Variants in CAMK4 observed in about 807,000 individuals in gnomAD.
The protein encoded by CAMK4 is calcium/calmodulin dependent protein kinase IV.
CAMK4 carries 22 observed loss-of-function variants against 44.9 expected under a neutral mutation model. The ratio of observed to expected loss-of-function variants is 0.49; its 90% confidence interval spans 0.35 to 0.70. CAMK4 has a LOEUF of 0.70. Among genes scored for constraint, CAMK4 ranks in the 30% least tolerant of loss-of-function variants. The pLI is 0.01. For synonymous variants in CAMK4, 218 were observed against 215.4 expected, an observed-to-expected ratio of 1.01 and a Z score of -0.11; for missense variants, 498 against 586.8, an observed-to-expected ratio of 0.85 and a Z score of 1.56.
chr5:111,399,196 GT>G (rs1288600099), intron 5 of CAMK4, among the ~76,000 whole-genome samples: 2 of 152,116 alleles, frequency 1.3e-5, no homozygotes, highest in Non-Finnish European at 2.9e-5. Flanking sequence ...CACTGGCCTT[GT>G]TTTCCGACCC....
intron 7 of CAMK4, among the ~76,000 whole-genome samples, chr5:111,463,372 G>A (rs1042102577): frequency 6.6e-6 from 1 of 152,166 alleles, no homozygotes; most frequent in East Asian, 1.9e-4. Flanking sequence ...CTGTGTATAG[G>A]AAGCAGATTG....
chr5:111,415,745 G>T (rs555330809), intron 5 of CAMK4, among the ~76,000 whole-genome samples: 16 of 152,108 alleles, frequency 1.1e-4, no homozygotes, highest in African/African-American at 3.4e-4. Flanking sequence ...TGATACAGTG[G>T]GTCCTCTGTA....
chr5:111,327,306 G>A (rs111403366), intron 1 of CAMK4, among the ~76,000 whole-genome samples: 135 of 150,822 alleles, frequency 9.0e-4, no homozygotes, highest in Non-Finnish European at 1.2e-3. Context: ...ATGGTTTCCA[G>A]TTTCATCCAT....
chr5:111,309,789 A>G (rs537377978), intron 1 of CAMK4, among the ~76,000 whole-genome samples: 8 of 152,290 alleles, frequency 5.3e-5, no homozygotes, highest in Non-Finnish European at 1.0e-4. Flanking sequence ...GTTGAAATAA[A>G]TGTGGGTTGG....
chr5:111,386,812 T>C (rs1302512967), intron 4 of CAMK4, among the ~76,000 whole-genome samples: 1 of 152,224 alleles, frequency 6.6e-6, no homozygotes, highest in Non-Finnish European at 1.5e-5. Context: ...CTTGGGGAAA[T>C]GTACCACCTT....
At chr5:111,345,234 T>C (rs2112756387) in intron 2 of CAMK4, among the ~76,000 whole-genome samples, 1 of 151,950 alleles carries the variant, frequency 6.6e-6, no homozygotes, top group South Asian at 2.1e-4. Flanking sequence ...CATAGCAAAA[T>C]AACAAAAACA....
intron 1 of CAMK4, among the ~76,000 whole-genome samples, chr5:111,242,213 C>T (rs1218197953): frequency 1.3e-5 from 2 of 152,150 alleles, no homozygotes; most frequent in African/African-American, 4.8e-5. Flanking sequence ...TCCTTCACCC[C>T]TTCCCCTAAT....
At position 111,489,425 on chromosome 5, in the gene CAMK4, G is replaced by A. The variant is rs1422704039; in HGVS notation, c.*4959G>A. ...ATATAATCTCAGCTCATAAAGCTTG[G>A]CCATGTCTATACTTATCTTGGAGAG... On this transcript the variant is annotated 3_prime_UTR_variant, in exon 11 of 11. Coordinates refer to ENST00000282356, the MANE Select transcript of CAMK4 (RefSeq NM_001744.6). 6.6e-6 allele frequency: 1 copy of A among 152,118 alleles called. No individual in the cohort carries two copies. Among genetic ancestry groups the A allele is most frequent in the Non-Finnish European group, 1.5e-5 (1 of 68,022 alleles). 9.4% of individuals were successfully genotyped at this position (152,118 alleles called of 1,614,324 possible).
chr5:111,407,419 T>G (rs1752477795), intron 5 of CAMK4, among the ~76,000 whole-genome samples: 1 of 151,548 alleles, frequency 6.6e-6, no homozygotes, highest in African/African-American at 2.4e-5. Flanking sequence ...GTACTCACAG[T>G]GTCCTTTTGA....
rs188817235 is a variant in CAMK4 at position 111,296,845 on chromosome 5, A to G, written c.162-47179A>G. ...AGTAGCAGCAGTTCTGGATCTGTGC[A>G]TAATACCCAATTGATTATGGGTCAT... On this transcript the variant is annotated intron_variant, in intron 1 of 10. Transcript: ENST00000282356. 1.1e-4 allele frequency among the ~76,000 whole-genome samples: 17 copies of G among 152,358 alleles called. No individual in the cohort carries two copies. The South Asian group carries it at 2.1e-3, about 19-fold the overall frequency.
At chr5:111,358,522 C>T (rs568927666) in intron 2 of CAMK4, among the ~76,000 whole-genome samples, 5 of 151,080 alleles carry the variant, frequency 3.3e-5, no homozygotes, top group East Asian at 1.9e-4. Flanking sequence ...TGTTTTTCCC[C>T]GACACAACCT....
At chr5:111,366,606 G>A (rs1218178592) in intron 2 of CAMK4, among the ~76,000 whole-genome samples, 1 of 151,958 alleles carries the variant, frequency 6.6e-6, no homozygotes, top group African/African-American at 2.4e-5. Flanking sequence ...CTCATCAACA[G>A]TCTTGGTCCC....
At position 111,290,290 on chromosome 5, in the gene CAMK4, G is replaced by A. The variant is rs1168375250; in HGVS notation, c.162-53734G>A. ...TCTAATCTTAGAAGCAAGACCAATA[G>A]GTCCCATGGCTATGCAAACATTTTT... On this transcript the variant is annotated intron_variant, in intron 1 of 10. Transcript: ENST00000282356. The surrounding 1 kb of genome is among the most constrained non-coding windows in gnomAD (Gnocchi z 4.5). Among the ~76,000 whole-genome samples the A allele has an allele frequency of 6.6e-6, 1 of 152,138 alleles. No individual in the cohort carries two copies. Among genetic ancestry groups the A allele is most frequent in the Non-Finnish European group, 1.5e-5 (1 of 68,032 alleles).
chr5:111,469,007 G>C (rs1388112331), intron 7 of CAMK4, among the ~76,000 whole-genome samples: 1 of 151,116 alleles, frequency 6.6e-6, no homozygotes, highest in Non-Finnish European at 1.5e-5. Context: ...AGCTGGGCAT[G>C]GTGGCAAGCA....
At chr5:111,410,452 G>C (rs887911458) in intron 5 of CAMK4, among the ~76,000 whole-genome samples, 2 of 152,162 alleles carry the variant, frequency 1.3e-5, no homozygotes, top group African/African-American at 4.8e-5. Flanking sequence ...TTTAAGGTGA[G>C]ATTTGGGTAG....
intron 5 of CAMK4, among the ~76,000 whole-genome samples, chr5:111,442,946 C>G (rs56784823): frequency 0.02 from 2,989 of 149,780 alleles, 95 homozygotes; most frequent in African/African-American, 0.07. Context: ...CTTGATGTAA[C>G]TCACATAAAC....
rs1281999592 is a variant in CAMK4 at position 111,242,392 on chromosome 5, A to G, written c.161+17748A>G. On this transcript the variant is annotated intron_variant, in intron 1 of 10. Transcript: ENST00000282356. ...GTACCTAGTATATTTCACACATTCA[A>G]TAAAGGTTAATAGGTATGATTTATA... Among the ~76,000 whole-genome samples the G allele has an allele frequency of 3.3e-5, 5 of 152,278 alleles. 1 individual carries two copies. The South Asian group carries it at 6.2e-4, about 19-fold the overall frequency.
At chr5:111,412,267 C>T (rs1477544723) in intron 5 of CAMK4, among the ~76,000 whole-genome samples, 2 of 151,646 alleles carry the variant, frequency 1.3e-5, no homozygotes, top group African/African-American at 4.9e-5. Flanking sequence ...AACAGTTTTC[C>T]CAAAGAGGAG....
intron 1 of CAMK4, among the ~76,000 whole-genome samples, chr5:111,241,263 G>A (rs1162024895): frequency 6.6e-6 from 1 of 151,850 alleles, no homozygotes; most frequent in East Asian, 1.9e-4. Context: ...TCCTTGCTCA[G>A]TTTCTTAGTC....
Sources: gnomAD v4.1 joint callset for allele counts (sites outside exome capture counted in the v4.1 genomes callset) on GRCh38, gnomAD v4.1.1 for gene constraint, Gnocchi (gnomAD v3.1) non-coding constraint, MANE v1.5 for transcripts, NCBI Gene and HGNC (gene_info 2026-07-23, HGNC 2026-07-21) for gene names.